The following RXRG variants were observed in gnomAD, a reference collection of about 807,000 sequenced individuals.
RXRG encodes retinoic acid receptor RXR-gamma.
Under a neutral mutation model 49.2 loss-of-function variants are expected in RXRG, and 19 were observed. The ratio of observed to expected loss-of-function variants is 0.39; its 90% CI spans 0.27 to 0.57. The LOEUF is 0.57. Ranked by LOEUF, RXRG falls within the 20% of genes least tolerant of loss-of-function variation. RXRG has a pLI of 0.64. For synonymous variants in RXRG, 224 were observed against 216.6 expected (o/e 1.03, Z -0.30); for missense variants, 452 against 592.5 (o/e 0.76, Z 2.46).
chr1:165,408,102 C>A, intron 8 of RXRG, 125 bp downstream of exon 8: 1 of 770,146 alleles, frequency 1.3e-6, no homozygotes, highest in South Asian at 1.6e-5. Flanking sequence ...TGTGAGCTCT[C>A]CTGGATTCCT....
intron 2 of RXRG, among the ~76,000 whole-genome samples, chr1:165,425,152 C>A (rs1394962281): frequency 6.6e-6 from 1 of 152,242 alleles, no homozygotes; most frequent in Admixed American, 6.5e-5. Flanking sequence ...GCTACTCACA[C>A]AGCTCTGAAG....
At position 165,409,794 on chromosome 1, in the gene RXRG, T is replaced by C. The variant is rs1340492857; in HGVS notation, c.914-104A>G. The stretch of plus-strand genomic sequence containing the variant: ...ATTATCCCACATAACACAAGCAGAA[T>C]TGACAATCTAGGGAGGTTAAGAATT... On this transcript the variant is annotated intron_variant, in intron 6 of 9. Transcript: ENST00000359842. The C allele has an allele frequency of 2.7e-6, 3 of 1,093,686 alleles. No homozygotes were observed. The African/African-American group carries it at 4.9e-5, about 18-fold the overall frequency. The allele number at this position is 1,093,686 out of a possible 1,614,324, so 67.7% of individuals were successfully genotyped here.
chr1:165,413,790 A>G (rs1658033326), intron 4 of RXRG, among the ~76,000 whole-genome samples: 1 of 145,070 alleles, frequency 6.9e-6, no homozygotes, highest in African/African-American at 2.5e-5. Context: ...TGTGTGGGCT[A>G]GGCTCTCCAA....
chr1:165,439,858 G>A (rs10800098), intron 1 of RXRG, among the ~76,000 whole-genome samples: 9,370 of 152,248 alleles, frequency 0.062, 559 homozygotes, highest in East Asian at 0.33. Context: ...ATGTTTATAG[G>A]AAAGTCCCCT....
intron 4 of RXRG, among the ~76,000 whole-genome samples, chr1:165,415,430 T>A (rs111786568): frequency 0.035 from 5,356 of 152,304 alleles, 132 homozygotes; most frequent in Non-Finnish European, 0.055. Context: ...TGACCCAATC[T>A]ACTTGTTCAA....
intron 1 of RXRG, among the ~76,000 whole-genome samples, chr1:165,434,272 A>ATGTGTGTGTGTG (rs1491272318): frequency 0.14 from 9,100 of 66,550 alleles, 361 homozygotes; most frequent in East Asian, 0.17. Flanking sequence ...AATGAATTGC[A>ATGTGTGTGTGTG]TGTGTGTATG....
In RXRG at chr1:165,401,010, G is replaced by A. The variant is rs915650215; in HGVS notation, c.*253C>T. On this transcript the variant is annotated 3_prime_UTR_variant, in exon 10 of 10. Coordinates refer to ENST00000359842, the MANE Select transcript of RXRG (RefSeq NM_006917.5). The stretch of plus-strand genomic sequence containing the variant: ...AATTTAAACCAATTGTATGTACAGA[G>A]GCTTGATTAGTTTTCCCAAGAACTT... The A allele has an allele frequency of 1.8e-5, 8 of 447,580 alleles. No individual in the cohort carries two copies. The highest frequency in any genetic ancestry group is 1.2e-4 in the Admixed American group (3 of 24,480). The allele number at this position is 447,580 out of a possible 1,614,324, so 27.7% of individuals were successfully genotyped here.
At chr1:165,432,515 A>C (rs1658701543) in intron 1 of RXRG, among the ~76,000 whole-genome samples, 1 of 152,164 alleles carries the variant, frequency 6.6e-6, no homozygotes, top group Non-Finnish European at 1.5e-5. Flanking sequence ...AAATTAATCT[A>C]TTCTCCCAAA....
intron 4 of RXRG, among the ~76,000 whole-genome samples, chr1:165,411,764 C>T (rs1231874029): frequency 2.0e-5 from 3 of 152,120 alleles, no homozygotes; most frequent in Non-Finnish European, 4.4e-5. Context: ...TTATCTCAGC[C>T]TCTCCAAAGC....
chr1:165,403,870 A>C (rs1212565381), intron 9 of RXRG, among the ~76,000 whole-genome samples: 2 of 152,252 alleles, frequency 1.3e-5, no homozygotes, highest in African/African-American at 4.8e-5. Flanking sequence ...ATCAAGGCTA[A>C]TAGAAATAAA....
Position 165,423,255 on chromosome 1 carries a change from C to T in RXRG, c.298-3241G>A, listed in dbSNP as rs376909511. On this transcript the variant is annotated intron_variant, in intron 2 of 9. Coordinates refer to ENST00000359842, the MANE Select transcript of RXRG (RefSeq NM_006917.5). ...GTCCCCCAATCCCGGCTGTCTTGTTCCATTAGAAACAGTCTACTGAAATAA... is the reference window on the plus strand; with the variant it reads ...GTCCCCCAATCCCGGCTGTCTTGTTTCATTAGAAACAGTCTACTGAAATAA... 3.5e-4 allele frequency among the ~76,000 whole-genome samples: 54 copies of T among 152,308 alleles called. No homozygotes were observed. The East Asian group carries it at 9.5e-3, about 27-fold the overall frequency.
intron 8 of RXRG, 34 bp downstream of exon 8, chr1:165,408,193 A>T (rs1048262823): frequency 6.6e-7 from 1 of 1,514,792 alleles, no homozygotes; most frequent in African/African-American, 1.4e-5. Context: ...AGAGGGCTGA[A>T]CACACACATC....
chr1:165,428,915 G>A lies in RXRG; in HGVS notation c.101C>T (p.Ser34Phe). The A allele has an allele frequency of 6.2e-7, 1 of 1,613,828 alleles. No individual in the cohort carries two copies. Among genetic ancestry groups the A allele is most frequent in the Non-Finnish European group, 8.5e-7 (1 of 1,179,954 alleles). ...STSMSPSAAL[S>F]TGKPMDSHPS... The stretch of plus-strand genomic sequence containing the variant: ...GTGGCTGTCCATTGGCTTCCCTGTG[G>A]ACAAGGCTGCTGATGGGCTCATGGA... The change falls in exon 2 of 10, where the codon TCC becomes TTC. Residue 34 changes from serine (S) to phenylalanine (F), a missense_variant. Physicochemically the swap from Ser to Phe is radical, Grantham distance 155. This residue lies in a region of RXRG where 166 missense variants were observed against 151.7 expected (regional missense o/e 1.09). Coordinates refer to ENST00000359842, the MANE Select transcript of RXRG (RefSeq NM_006917.5).
At position 165,404,818 on chromosome 1, in the gene RXRG, G is replaced by T. The variant is rs187373573; in HGVS notation, c.1244+1994C>A. On this transcript the variant is annotated intron_variant, in intron 9 of 9. Transcript: ENST00000359842. ...TTGTCATCCAGGCTGGAGTGCAATG[G>T]CATGATCTCAGCTCACCACAACCTC... is the stretch of plus-strand genomic sequence containing the variant. Among the ~76,000 whole-genome samples, 128 of 152,198 alleles carry T rather than the reference G, an allele frequency of 8.4e-4. 1 individual carries two copies. Among genetic ancestry groups the T allele is most frequent in the African/African-American group, 2.9e-3 (120 of 41,540 alleles).
At chr1:165,409,739 C>T (rs969464013) in intron 6 of RXRG, 49 bp from the exon 7 acceptor site, 86 of 1,394,620 alleles carry the variant, frequency 6.2e-5, no homozygotes, top group Non-Finnish European at 7.2e-5. Flanking sequence ...CACATTCTTT[C>T]TTTACTTATA....
At chr1:165,430,573 G>T (rs10489748) in intron 1 of RXRG, among the ~76,000 whole-genome samples, 2 of 152,194 alleles carry the variant, frequency 1.3e-5, no homozygotes, top group African/African-American at 2.4e-5. Context: ...GTCATTCTAC[G>T]TATGGAGCTT....
intron 7 of RXRG, 47 bp from the exon 8 acceptor site, chr1:165,408,365 G>T: frequency 7.2e-7 from 1 of 1,379,332 alleles, no homozygotes; most frequent in Non-Finnish European, 1.0e-6. Context: ...TAAGTAACAG[G>T]CCAAGAGCCA....
chr1:165,403,038 C>T (rs1452444839), intron 9 of RXRG, among the ~76,000 whole-genome samples: 2 of 151,878 alleles, frequency 1.3e-5, no homozygotes, highest in Non-Finnish European at 2.9e-5. Flanking sequence ...CACACACATA[C>T]CCTCACACAC....
Position 165,436,878 on chromosome 1 carries a change from C to T in RXRG, c.50-7912G>A. 4 of 1,093,504 alleles carry T rather than the reference C, an allele frequency of 3.7e-6. No individual in the cohort carries two copies. The South Asian group carries it at 7.0e-5, about 19-fold the overall frequency. 67.7% of individuals were successfully genotyped at this position (1,093,504 alleles called of 1,614,324 possible). A position where few individuals can be genotyped will look rare whatever the true frequency, so the allele number is the denominator to read the frequency against. The stretch of plus-strand genomic sequence containing the variant: ...AGAGTTTCAAGGTTAAAGATCAATC[C>T]CAAACTCCTGGTGGGATTTCAGAAT... On this transcript the variant is annotated intron_variant, in intron 1 of 9. Transcript: ENST00000359842.
Sources: allele counts gnomAD v4.1 joint callset (sites outside exome capture counted in the v4.1 genomes callset), GRCh38; gene constraint gnomAD v4.1.1; regional missense constraint gnomAD v4.1.1; transcripts MANE v1.5; gene names NCBI Gene and HGNC (gene_info 2026-07-23, HGNC 2026-07-21).